KDM4B: variants seen among roughly 807,000 people sequenced by gnomAD.
The protein encoded by KDM4B is lysine-specific demethylase 4B.
Under a neutral mutation model 125.2 loss-of-function variants are expected in KDM4B, and 32 were observed. The ratio of observed to expected loss-of-function variants is 0.26; its 90% CI spans 0.19 to 0.34. The LOEUF (loss-of-function observed/expected upper bound fraction) is 0.34. Among genes scored for constraint, KDM4B ranks in the 10% least tolerant of loss-of-function variants. The pLI is 1.00. For missense variants in KDM4B, 1,190 were observed against 1,577.7 expected, an observed-to-expected ratio of 0.75 and a Z score of 4.16; for synonymous variants, 721 against 677.9, an observed-to-expected ratio of 1.06 and a Z score of -0.99.
intron 8 of KDM4B, among the ~76,000 whole-genome samples, chr19:5,079,651 AG>A (rs2038226485): frequency 6.6e-6 from 1 of 152,220 alleles, no homozygotes; most frequent in Non-Finnish European, 1.5e-5. Context: ...TTGGCCTTAG[AG>A]CAGGTGGTCA....
rs1477874909 is a variant in KDM4B at position 5,135,437 on chromosome 19, C to T, written c.2184C>T (p.Ile728=). ...SKSRQKTRPL[I]PEMCFTSGGE... ...GCCGTCAGAAGACCCGACCGCTCAT[C>T]CCTGAGATGTGCTTCACCTCTGGCG... The change falls in exon 15 of 23, where the codon ATC becomes ATT. Residue 728 remains isoleucine (I), a synonymous_variant. Transcript: ENST00000159111. 2 of 1,613,620 alleles carry T rather than the reference C, an allele frequency of 1.2e-6. No homozygotes were observed. Among genetic ancestry groups the T allele is most frequent in the Non-Finnish European group, 8.5e-7 (1 of 1,179,992 alleles).
Position 4,981,306 on chromosome 19 carries a change from T to C in KDM4B, c.-109+12076T>C, listed in dbSNP as rs528965685. On this transcript the variant is annotated intron_variant, in intron 1 of 22. Coordinates refer to ENST00000159111, the MANE Select transcript of KDM4B (RefSeq NM_015015.3). ...CCACACCAGGGCCCGACGGCTGTCC[T>C]GTCCCCCTCGTCCTGTTTTTGGTGT... Among the ~76,000 whole-genome samples the C allele has an allele frequency of 9.9e-5, 15 of 152,122 alleles. No individual in the cohort carries two copies. In the South Asian group the frequency reaches 3.1e-3, roughly 31 times the overall value.
intron 18 of KDM4B, 50 bp downstream of exon 18, chr19:5,138,120 G>A (rs374480522): frequency 2.0e-5 from 27 of 1,376,550 alleles, no homozygotes; most frequent in Non-Finnish European, 2.6e-5. Flanking sequence ...TAGGGCTGCC[G>A]GCCATGCTCG....
chr19:5,146,967 A>C (rs901363864), intron 21 of KDM4B, among the ~76,000 whole-genome samples: 1 of 150,056 alleles, frequency 6.7e-6, no homozygotes, highest in East Asian at 2.0e-4. Context: ...AAAAAACAAA[A>C]ACTCTGCTGG....
At chr19:5,055,537 G>A (rs1210147713) in intron 6 of KDM4B, among the ~76,000 whole-genome samples, 9 of 152,212 alleles carry the variant, frequency 5.9e-5, no homozygotes, top group Non-Finnish European at 1.5e-5. Flanking sequence ...TGGCTTCTTG[G>A]TGAGCAGAGA....
chr19:5,134,470 A>G (rs1167491151), intron 14 of KDM4B, among the ~76,000 whole-genome samples: 2 of 152,106 alleles, frequency 1.3e-5, no homozygotes, highest in Non-Finnish European at 2.9e-5. Flanking sequence ...GCACCTGGCT[A>G]AGGTCCTGTT....
In KDM4B at chr19:5,040,957, G is replaced by A. The variant is rs1010479657; in HGVS notation, c.318-180G>A. On this transcript the variant is annotated intron_variant, in intron 4 of 22. Coordinates refer to ENST00000159111, the MANE Select transcript of KDM4B (RefSeq NM_015015.3). ...CGTGGGTTTGGGCCACTGCTCGCCCGTGGAAGTGCGCTGTCCCACCCGGAA... is the reference window on the plus strand; with the variant it reads ...CGTGGGTTTGGGCCACTGCTCGCCCATGGAAGTGCGCTGTCCCACCCGGAA... Among the ~76,000 whole-genome samples the A allele has an allele frequency of 7.9e-5, 12 of 152,214 alleles. 1 individual carries two copies. The highest frequency in any genetic ancestry group is 2.4e-4 in the African/African-American group (10 of 41,464).
intron 7 of KDM4B, among the ~76,000 whole-genome samples, chr19:5,071,801 CAG>C (rs139113989): frequency 0.027 from 4,067 of 152,318 alleles, 95 homozygotes; most frequent in Middle Eastern, 0.1. Context: ...CACAGCACAA[CAG>C]GGGTGCAAGT....
chr19:5,130,759 G>A (rs1442050706), intron 11 of KDM4B, among the ~76,000 whole-genome samples: 2 of 152,338 alleles, frequency 1.3e-5, no homozygotes, highest in Admixed American at 6.5e-5. Flanking sequence ...GTTTGGTGAC[G>A]CGTCTCCTCA....
intron 1 of KDM4B, among the ~76,000 whole-genome samples, chr19:4,985,932 G>A (rs191441590): frequency 1.4e-3 from 208 of 152,356 alleles, no homozygotes; most frequent in African/African-American, 4.8e-3. Context: ...GTTCTGCACC[G>A]GCCGTCTCCC....
intron 1 of KDM4B, among the ~76,000 whole-genome samples, chr19:5,012,931 C>T (rs989557221): frequency 6.6e-6 from 1 of 152,232 alleles, no homozygotes; most frequent in Non-Finnish European, 1.5e-5. Flanking sequence ...CCCAACCCCT[C>T]GTCTTCCCTC....
chr19:5,077,182 TC>T (rs958983696), intron 7 of KDM4B, 184 bp from the exon 8 acceptor site: 3 of 624,536 alleles, frequency 4.8e-6, no homozygotes, highest in African/African-American at 3.7e-5. Context: ...CTCCTGCGCA[TC>T]TCCTTCCCCC....
intron 5 of KDM4B, among the ~76,000 whole-genome samples, chr19:5,045,146 C>G (rs2036984531): frequency 6.6e-6 from 1 of 152,142 alleles, no homozygotes; most frequent in South Asian, 2.1e-4. Context: ...CCCACCTGTC[C>G]CACTGTGTGC....
chr19:5,054,492 G>A (rs545897963), intron 6 of KDM4B, among the ~76,000 whole-genome samples: 1,820 of 151,760 alleles, frequency 0.012, 15 homozygotes, highest in Non-Finnish European at 0.018. Context: ...GTGTGTGTGC[G>A]CGCGCATGCA....
intron 2 of KDM4B, among the ~76,000 whole-genome samples, chr19:5,023,758 ATTTTTTTTTTT>A (rs148293792): frequency 1.1e-5 from 1 of 89,122 alleles, no homozygotes; most frequent in African/African-American, 4.7e-5. Context: ...GTCTTTTTGA[ATTTTTTTTTTT>A]TTTTTTTTTT....
At chr19:5,111,312 C>T (rs1351827881) in intron 10 of KDM4B, 31 of 725,520 alleles carry the variant, frequency 4.3e-5, no homozygotes, top group East Asian at 3.9e-4. Flanking sequence ...GATTTGAGAT[C>T]GTGGAGAGGA....
intron 6 of KDM4B, among the ~76,000 whole-genome samples, chr19:5,049,243 C>T (rs1194588672): frequency 6.6e-6 from 1 of 152,102 alleles, no homozygotes; most frequent in East Asian, 1.9e-4. Context: ...TCATCCAGGA[C>T]GCAGCCTCTG....
At chr19:5,143,329 AG>A (rs1176191347) in intron 18 of KDM4B, among the ~76,000 whole-genome samples, 3 of 151,264 alleles carry the variant, frequency 2.0e-5, no homozygotes, top group Admixed American at 6.6e-5. Flanking sequence ...AAAAAAAAAA[AG>A]AAAAAATCCT....
chr19:5,003,472 ACT>A (rs2035456087), intron 1 of KDM4B, among the ~76,000 whole-genome samples: 1 of 150,250 alleles, frequency 6.7e-6, no homozygotes, highest in South Asian at 2.1e-4. Flanking sequence ...CAAGAGCAAG[ACT>A]CTGTCTCAAA....
Sources: allele counts gnomAD v4.1 joint callset (sites outside exome capture counted in the v4.1 genomes callset), GRCh38; gene constraint gnomAD v4.1.1; transcripts MANE v1.5; gene names NCBI Gene and HGNC (gene_info 2026-07-23, HGNC 2026-07-21).